STXBP5L: variants seen among roughly 807,000 people sequenced by gnomAD.
STXBP5L encodes syntaxin-binding protein 5-like.
STXBP5L carries 65 observed loss-of-function variants against 144.5 expected under a neutral mutation model. The ratio of observed to expected loss-of-function variants is 0.45; its 90% confidence interval spans 0.37 to 0.55. The LOEUF (loss-of-function observed/expected upper bound fraction) is 0.55. Ranked by LOEUF, STXBP5L falls within the 20% of genes least tolerant of loss-of-function variation. The pLI, the probability that STXBP5L is intolerant of heterozygous loss-of-function variation, is 0.00. For missense variants in STXBP5L, 1,298 were observed against 1,405.5 expected, an observed-to-expected ratio of 0.92 and a Z score of 1.22; for synonymous variants, 505 against 469.6, an observed-to-expected ratio of 1.08 and a Z score of -0.97.
intron 18 of STXBP5L, among the ~76,000 whole-genome samples, chr3:121,268,108 CAT>C (rs1348863462): frequency 1.3e-5 from 2 of 152,170 alleles, no homozygotes; most frequent in Admixed American, 6.5e-5. Context: ...CACATGCACA[CAT>C]GTGTTTATTG....
chr3:121,026,885 C>G (rs1348916523), intron 3 of STXBP5L, among the ~76,000 whole-genome samples: 2 of 151,540 alleles, frequency 1.3e-5, no homozygotes, highest in Admixed American at 6.6e-5. Context: ...CTAGGTTGCA[C>G]TACAAAAAGA....
At chr3:121,335,658 C>A (rs1480982159) in intron 20 of STXBP5L, among the ~76,000 whole-genome samples, 11 of 151,680 alleles carry the variant, frequency 7.3e-5, no homozygotes, top group Admixed American at 6.6e-4. Flanking sequence ...ACACCTACAA[C>A]CATCTGATCT....
Position 121,412,579 on chromosome 3 carries a change from T to G in STXBP5L, c.2949-579T>G, listed in dbSNP as rs2108749883. 1.3e-5 allele frequency among the ~76,000 whole-genome samples: 2 copies of G among 152,128 alleles called. 1 individual carries two copies. Among genetic ancestry groups the G allele is most frequent in the South Asian group, 4.2e-4 (2 of 4,816 alleles). The stretch of plus-strand genomic sequence containing the variant: ...GTTAATTTTTGTAAGATTTCTCCTT[T>G]TATTATCACCCTCATCATAGTTCCC... On this transcript the variant is annotated intron_variant, in intron 23 of 26. Coordinates refer to ENST00000471454, the MANE Select transcript of STXBP5L (RefSeq NM_001308330.2).
At position 121,259,063 on chromosome 3, in the gene STXBP5L, G is replaced by T; in HGVS notation, c.1853G>T (p.Arg618Leu). Residue 618 changes from arginine (R) to leucine (L), a missense_variant, in exon 18 of 27, where the codon CGA becomes CTA. Physicochemically the swap from Arg to Leu is moderately radical, Grantham distance 102. Transcript: ENST00000471454. ...PCLNVKTRPVRMPPGYQAELV... is the reference protein window; with the variant it reads ...PCLNVKTRPVLMPPGYQAELV... ...TAAAGTGTGAAGACACGGCCAGTGC[G>T]AATGCCTCCAGGATATCAAGCAGAA... 1 of 1,603,414 alleles carries T rather than the reference G, an allele frequency of 6.2e-7. No homozygotes were observed.
Position 121,378,841 on chromosome 3 carries a change from C to A in STXBP5L, c.2302C>A (p.Gln768Lys). The A allele has an allele frequency of 6.2e-7, 1 of 1,613,632 alleles. No individual in the cohort carries two copies. The highest frequency in any genetic ancestry group is 8.5e-7 in the Non-Finnish European group (1 of 1,179,786). Reference sequence around the variant, plus strand: ...TGGAAGACCACCATTTCGAAAGGCCCAGTCAGCAGCCTGCATGGAGATTTC... The same window carrying A: ...TGGAAGACCACCATTTCGAAAGGCCAAGTCAGCAGCCTGCATGGAGATTTC... ...GPGRPPFRKA[Q>K]SAACMEISLP... The change falls in exon 21 of 27, where the codon CAG (glutamine) becomes AAG (lysine). Residue 768 changes from glutamine to lysine, a missense_variant. Transcript: ENST00000471454.
chr3:121,004,997 T>A (rs13319102), intron 3 of STXBP5L, among the ~76,000 whole-genome samples: 15,115 of 152,212 alleles, frequency 0.099, 1,184 homozygotes, highest in Admixed American at 0.2. Flanking sequence ...ATCAGGGATG[T>A]TGGTCTAAAA....
At chr3:121,329,056 TTATA>T (rs919409879) in intron 20 of STXBP5L, among the ~76,000 whole-genome samples, 1 of 151,944 alleles carries the variant, frequency 6.6e-6, no homozygotes, top group African/African-American at 2.4e-5. Context: ...TGTATATATA[TTATA>T]TATATAATGT....
intron 19 of STXBP5L, among the ~76,000 whole-genome samples, chr3:121,308,871 A>C (rs559492642): frequency 6.6e-6 from 1 of 152,158 alleles, no homozygotes; most frequent in Non-Finnish European, 1.5e-5. Context: ...ATAAGAGAGA[A>C]TACAGCTATT....
chr3:121,059,090 G>A (rs1015948422), intron 5 of STXBP5L, among the ~76,000 whole-genome samples: 13 of 152,180 alleles, frequency 8.5e-5, no homozygotes, highest in African/African-American at 3.1e-4. Context: ...TTCTTCTAGA[G>A]TTTTTATGAT....
intron 5 of STXBP5L, among the ~76,000 whole-genome samples, chr3:121,112,715 ATAGT>A (rs1356945412): frequency 6.6e-6 from 1 of 151,956 alleles, no homozygotes; most frequent in African/African-American, 2.4e-5. Context: ...TTATTTAATG[ATAGT>A]TAATATTGAT....
chr3:121,210,028 G>C (rs1251943429), intron 10 of STXBP5L, among the ~76,000 whole-genome samples: 3 of 152,166 alleles, frequency 2.0e-5, no homozygotes, highest in Non-Finnish European at 1.5e-5. Context: ...CACAATGGTT[G>C]AACTAGTTTA....
At chr3:121,058,607 T>C (rs1948614040) in intron 5 of STXBP5L, among the ~76,000 whole-genome samples, 1 of 152,224 alleles carries the variant, frequency 6.6e-6, no homozygotes, top group Non-Finnish European at 1.5e-5. Flanking sequence ...GTAAAAGTGT[T>C]CCTATTTCTC....
chr3:121,277,111 A>G (rs2050909305), intron 18 of STXBP5L, among the ~76,000 whole-genome samples: 1 of 152,080 alleles, frequency 6.6e-6, no homozygotes, highest in Non-Finnish European at 1.5e-5. Flanking sequence ...ACAGAAATTT[A>G]TTTCTCACAA....
chr3:120,959,942 A>C (rs2107728852), intron 3 of STXBP5L, among the ~76,000 whole-genome samples: 1 of 152,338 alleles, frequency 6.6e-6, no homozygotes, highest in South Asian at 2.1e-4. Context: ...ACACAGCAAA[A>C]GAAACTACCA....
At chr3:120,936,013 G>A (rs1710246593) in intron 2 of STXBP5L, among the ~76,000 whole-genome samples, 1 of 151,862 alleles carries the variant, frequency 6.6e-6, no homozygotes, top group Admixed American at 6.6e-5. Context: ...TACATTTTTT[G>A]ATAATCATCT....
At position 121,202,343 on chromosome 3, in the gene STXBP5L, T is replaced by C. The variant is rs149642854; in HGVS notation, c.878-3580T>C. Among the ~76,000 whole-genome samples the C allele has an allele frequency of 4.2e-3, 645 of 152,240 alleles. 5 individuals carry two copies. The highest frequency in any genetic ancestry group is 0.015 in the African/African-American group (615 of 41,558). Reference sequence around the variant, plus strand: ...AGCTTTGCTCTCACCCACCTTCTTTTTCTTGTTATTGGCAAATATATATAC... The same window carrying C: ...AGCTTTGCTCTCACCCACCTTCTTTCTCTTGTTATTGGCAAATATATATAC... On this transcript the variant is annotated intron_variant, in intron 9 of 26. Coordinates refer to ENST00000471454, the MANE Select transcript of STXBP5L (RefSeq NM_001308330.2).
intron 7 of STXBP5L, among the ~76,000 whole-genome samples, chr3:121,137,904 AACATAAT>A (rs1250735850): frequency 1.3e-5 from 2 of 152,162 alleles, no homozygotes; most frequent in Non-Finnish European, 2.9e-5. Flanking sequence ...AGTCCTATAC[AACATAAT>A]ACTGGAAGTC....
In STXBP5L at chr3:121,368,043, ATTAT is replaced by A. The variant is rs549883086; in HGVS notation, c.2177-10667_2177-10664del. Among the ~76,000 whole-genome samples the A allele has an allele frequency of 4.6e-5, 7 of 152,022 alleles. No individual in the cohort carries two copies. The East Asian group carries it at 1.4e-3, about 29-fold the overall frequency. On this transcript the variant is annotated intron_variant, in intron 20 of 26. Coordinates refer to ENST00000471454, the MANE Select transcript of STXBP5L (RefSeq NM_001308330.2). ...CATCAAATTTGAGAAGTTTTCAGTC[ATTAT>A]TTATTCAAATATTTTCTCTGCCCCT...
chr3:121,201,362 G>T (rs935412634), intron 9 of STXBP5L, among the ~76,000 whole-genome samples: 1 of 152,152 alleles, frequency 6.6e-6, no homozygotes, highest in Admixed American at 6.5e-5. Flanking sequence ...CTTTCCATTT[G>T]CTTGGTAAAT....
Sources: allele counts gnomAD v4.1 joint callset (sites outside exome capture counted in the v4.1 genomes callset), GRCh38; gene constraint gnomAD v4.1.1; transcripts MANE v1.5; gene names NCBI Gene and HGNC (gene_info 2026-07-23, HGNC 2026-07-21).